Variants in OSBPL9 observed in about 807,000 individuals in gnomAD.
OSBPL9 encodes the protein oxysterol binding protein like 9, also known as oxysterol-binding protein-related protein 9.
A neutral mutation model predicts 106.6 loss-of-function variants in OSBPL9; 40 were observed. That is an observed-to-expected ratio of 0.38 (90% CI 0.29 to 0.49). OSBPL9 has a LOEUF of 0.49. Ranked by LOEUF, OSBPL9 falls within the 20% of genes least tolerant of loss-of-function variation. The pLI is 0.97. For missense variants in OSBPL9, 609 were observed against 887.2 expected, an observed-to-expected ratio of 0.69 and a Z score of 3.98; for synonymous variants, 269 against 295.4, an observed-to-expected ratio of 0.91 and a Z score of 0.92.
intron 3 of OSBPL9, among the ~76,000 whole-genome samples, chr1:51,674,869 C>G (rs1650795408): frequency 6.6e-6 from 1 of 152,158 alleles, no homozygotes; most frequent in South Asian, 2.1e-4. Flanking sequence ...TGTCTTGGGT[C>G]ACACATAAAA....
At chr1:51,657,755 A>T (rs1321771661) in intron 2 of OSBPL9, among the ~76,000 whole-genome samples, 1 of 152,174 alleles carries the variant, frequency 6.6e-6, no homozygotes, top group Admixed American at 6.5e-5. Flanking sequence ...AAAACAAAAC[A>T]TTGGCATTTT....
chr1:51,540,276 G>C, the OSBPL9 span, among the ~76,000 whole-genome samples: 1 of 151,506 alleles, frequency 6.6e-6, no homozygotes, highest in African/African-American at 2.4e-5. Context: ...TCTTAAGTAG[G>C]TCCCTCCCTA....
chr1:51,749,798 G>A (rs1356022651), intron 7 of OSBPL9, among the ~76,000 whole-genome samples: 9 of 151,352 alleles, frequency 5.9e-5, no homozygotes, highest in Admixed American at 5.9e-4. Context: ...CTCTGAGTTT[G>A]AGGCTGCAGT....
the OSBPL9 span, among the ~76,000 whole-genome samples, chr1:51,526,364 AG>A: frequency 6.6e-6 from 1 of 152,194 alleles, no homozygotes; most frequent in Non-Finnish European, 1.5e-5. Context: ...CTAGCAGAGA[AG>A]GGTGGAAGGG....
chr1:51,607,230 C>G (rs1363909986), intron 2 of OSBPL9, among the ~76,000 whole-genome samples: 1 of 143,170 alleles, frequency 7.0e-6, no homozygotes, highest in Non-Finnish European at 1.5e-5. Flanking sequence ...GTGGCACGAT[C>G]TCAGCACTGC....
chr1:51,783,761 G>T (rs1418250327), intron 17 of OSBPL9, among the ~76,000 whole-genome samples, 154 bp from the exon 18 acceptor site: 1 of 152,128 alleles, frequency 6.6e-6, no homozygotes, highest in Non-Finnish European at 1.5e-5. Context: ...TGGGGAAAAG[G>T]GTATAAAAGG....
At chr1:51,723,430 T>C (rs2148917540) in intron 4 of OSBPL9, among the ~76,000 whole-genome samples, 1 of 152,330 alleles carries the variant, frequency 6.6e-6, no homozygotes, top group East Asian at 1.9e-4. Flanking sequence ...CTTCTTTCCG[T>C]TAGTAATAGG....
At chr1:51,594,572 A>G (rs1645291228) in intron 1 of OSBPL9, among the ~76,000 whole-genome samples, 2 of 152,244 alleles carry the variant, frequency 1.3e-5, no homozygotes, top group South Asian at 2.1e-4. Flanking sequence ...TGCTCCAACT[A>G]TATGCTAGGG....
chr1:51,756,597 T>G, intron 9 of OSBPL9: 1 of 481,566 alleles, frequency 2.1e-6, no homozygotes. Flanking sequence ...ATGTATTAAC[T>G]TGAAGGGTTA....
the OSBPL9 span, among the ~76,000 whole-genome samples, chr1:51,523,115 A>AAAAT: frequency 3.3e-5 from 5 of 152,122 alleles, no homozygotes; most frequent in African/African-American, 7.2e-5. Flanking sequence ...CAATCAAATA[A>AAAAT]AAATAAATAA....
chr1:51,542,130 C>G, the OSBPL9 span, among the ~76,000 whole-genome samples: 1 of 152,330 alleles, frequency 6.6e-6, no homozygotes, highest in East Asian at 1.9e-4. Context: ...TCAAAGCAGT[C>G]CATCCACCCT....
Position 51,680,797 on chromosome 1 carries a change from T to G in OSBPL9, c.241+11285T>G, listed in dbSNP as rs577036667. ...TTTGGTTAATCTTTAACCAAATCTCTGGTTAACTAAGGATACTTAGATTCA... is the reference window on the plus strand; with the variant it reads ...TTTGGTTAATCTTTAACCAAATCTCGGGTTAACTAAGGATACTTAGATTCA... On this transcript the variant is annotated intron_variant, in intron 3 of 23. Coordinates refer to ENST00000428468, the MANE Select transcript of OSBPL9 (RefSeq NM_024586.6). Among the ~76,000 whole-genome samples the G allele has an allele frequency of 5.3e-5, 8 of 152,342 alleles. No homozygotes were observed. The East Asian group carries it at 1.5e-3, about 29-fold the overall frequency.
the OSBPL9 span, among the ~76,000 whole-genome samples, chr1:51,544,064 C>T: frequency 1.3e-5 from 2 of 152,176 alleles, no homozygotes; most frequent in African/African-American, 2.4e-5. Context: ...CTAAACTTTG[C>T]GTAGCACTTG....
At chr1:51,659,616 A>C (rs977329129) in intron 2 of OSBPL9, among the ~76,000 whole-genome samples, 1 of 152,034 alleles carries the variant, frequency 6.6e-6, no homozygotes, top group Non-Finnish European at 1.5e-5. Flanking sequence ...TGAAAAAAGT[A>C]ATAAAATAAA....
chr1:51,527,809 T>C, the OSBPL9 span, among the ~76,000 whole-genome samples: 2 of 151,786 alleles, frequency 1.3e-5, no homozygotes, highest in South Asian at 4.2e-4. Context: ...AAATCCAAAA[T>C]CATGTTATAG....
chr1:51,538,437 T>C, the OSBPL9 span, among the ~76,000 whole-genome samples: 4 of 152,014 alleles, frequency 2.6e-5, no homozygotes, highest in Non-Finnish European at 5.9e-5. Flanking sequence ...TATATTCAAG[T>C]ACTATGTTCA....
chr1:51,680,014 ATG>A (rs1476792146), intron 3 of OSBPL9, among the ~76,000 whole-genome samples: 1 of 152,132 alleles, frequency 6.6e-6, no homozygotes, highest in Non-Finnish European at 1.5e-5. Context: ...ACTATTCTGT[ATG>A]TGTATGAATG....
the OSBPL9 span, among the ~76,000 whole-genome samples, chr1:51,551,447 G>GTTC: frequency 1.1e-4 from 16 of 151,916 alleles, no homozygotes; most frequent in African/African-American, 3.4e-4. Flanking sequence ...TCTTCATAAA[G>GTTC]TTCTCTCCAT....
chr1:51,638,026 C>G (rs1339310497), intron 1 of OSBPL9, among the ~76,000 whole-genome samples: 1 of 152,202 alleles, frequency 6.6e-6, no homozygotes, highest in Non-Finnish European at 1.5e-5. Flanking sequence ...GCTGTTCCAT[C>G]TCTTAAAGAT....
Sources: allele counts gnomAD v4.1 joint callset (sites outside exome capture counted in the v4.1 genomes callset), GRCh38; gene constraint gnomAD v4.1.1; transcripts MANE v1.5; gene names NCBI Gene and HGNC (gene_info 2026-07-23, HGNC 2026-07-21).